PKP4: variants seen among roughly 807,000 people sequenced by gnomAD.
PKP4 encodes the protein plakophilin 4.
Under a neutral mutation model 145.1 loss-of-function variants are expected in PKP4, and 90 were observed. The ratio of observed to expected loss-of-function variants is 0.62; its 90% CI spans 0.52 to 0.74. The LOEUF is 0.74. Ranked by LOEUF, PKP4 falls within the 30% of genes least tolerant of loss-of-function variation. PKP4 has a pLI of 0.00. For missense variants in PKP4, 1,340 were observed against 1,482.7 expected (o/e 0.90, Z 1.58); for synonymous variants, 563 against 577.2 (o/e 0.98, Z 0.35).
chr2:158,514,707 G>C (rs2105540073), intron 1 of PKP4, among the ~76,000 whole-genome samples: 1 of 152,278 alleles, frequency 6.6e-6, no homozygotes, highest in African/African-American at 2.4e-5. Context: ...TTGGGAGGTC[G>C]AGGCGGGTGG....
At chr2:158,510,031 G>A (rs969295450) in intron 1 of PKP4, among the ~76,000 whole-genome samples, 4 of 151,516 alleles carry the variant, frequency 2.6e-5, no homozygotes, top group Non-Finnish European at 4.4e-5. Context: ...TAGCTTCCTT[G>A]ACTTGTGGTT....
At chr2:158,628,179 C>G (rs949059925) in intron 7 of PKP4, among the ~76,000 whole-genome samples, 24 of 151,998 alleles carry the variant, frequency 1.6e-4, no homozygotes, top group African/African-American at 5.8e-4. Context: ...CGGGTTTTCA[C>G]CATGTTGGCC....
intron 14 of PKP4, 38 bp from the exon 15 acceptor site, chr2:158,663,234 A>G (rs760370559): frequency 6.3e-7 from 1 of 1,593,846 alleles, no homozygotes; most frequent in East Asian, 2.2e-5. Context: ...GATCATGTTC[A>G]TTCTGCCTCC....
intron 1 of PKP4, among the ~76,000 whole-genome samples, chr2:158,467,210 T>C (rs1690760764): frequency 1.3e-5 from 2 of 152,214 alleles, no homozygotes; most frequent in Non-Finnish European, 1.5e-5. Flanking sequence ...AAAGATCCTG[T>C]GTACCCTTTA....
chr2:158,529,517 A>G (rs888987697), intron 1 of PKP4, among the ~76,000 whole-genome samples: 2 of 152,210 alleles, frequency 1.3e-5, no homozygotes. Context: ...TTGAATGGAT[A>G]CAGTGTGTGC....
chr2:158,550,772 T>A (rs140887439), intron 2 of PKP4, among the ~76,000 whole-genome samples: 1 of 152,346 alleles, frequency 6.6e-6, no homozygotes, highest in African/African-American at 2.4e-5. Flanking sequence ...GATTGGACAT[T>A]TATTGATTTA....
In PKP4 at chr2:158,469,465, C is replaced by G. The variant is rs182613098; in HGVS notation, c.-6+12247C>G. 1.5e-3 allele frequency among the ~76,000 whole-genome samples: 228 copies of G among 152,244 alleles called. 2 individuals carry two copies. The highest frequency in any genetic ancestry group is 5.3e-3 in the African/African-American group (221 of 41,554). Reference sequence around the variant, plus strand: ...CTTTTTGTGTGACTGTTGTACATACCTCTGCCAGAGAAATATGTTGAAATT... The same window carrying G: ...CTTTTTGTGTGACTGTTGTACATACGTCTGCCAGAGAAATATGTTGAAATT... On this transcript the variant is annotated intron_variant, in intron 1 of 21. Transcript: ENST00000389759.
intron 3 of PKP4, among the ~76,000 whole-genome samples, 156 bp downstream of exon 3, chr2:158,577,539 C>T (rs572164341): frequency 2.0e-5 from 3 of 152,298 alleles, no homozygotes; most frequent in Admixed American, 1.3e-4. Flanking sequence ...TTTTGAGAAG[C>T]CTCTTGCAAT....
intron 4 of PKP4, among the ~76,000 whole-genome samples, chr2:158,607,638 AATGT>A (rs1467699527): frequency 6.6e-6 from 1 of 152,116 alleles, no homozygotes; most frequent in East Asian, 1.9e-4. Flanking sequence ...CCGTGCCAGA[AATGT>A]TGTTTAAAAT....
chr2:158,560,337 C>G (rs78202859), intron 2 of PKP4, among the ~76,000 whole-genome samples: 4,485 of 152,030 alleles, frequency 0.03, 162 homozygotes, highest in East Asian at 0.13. Context: ...ACTCATTTGT[C>G]ATGAGTGGTG....
chr2:158,490,163 T>C (rs1206116460), intron 1 of PKP4, among the ~76,000 whole-genome samples: 1 of 152,148 alleles, frequency 6.6e-6, no homozygotes, highest in Non-Finnish European at 1.5e-5. Flanking sequence ...TAGGATTTTT[T>C]AAAAGGTGGA....
At chr2:158,495,928 A>G (rs1305712207) in intron 1 of PKP4, among the ~76,000 whole-genome samples, 3 of 152,038 alleles carry the variant, frequency 2.0e-5, no homozygotes, top group Non-Finnish European at 4.4e-5. Flanking sequence ...TGGTAAATCA[A>G]TATCAGTTTT....
intron 2 of PKP4, among the ~76,000 whole-genome samples, chr2:158,553,027 T>TGTC (rs989470602): frequency 3.3e-5 from 5 of 152,214 alleles, no homozygotes; most frequent in African/African-American, 9.6e-5. Flanking sequence ...TTAGCTGAAT[T>TGTC]GTCTCTCCCA....
chr2:158,579,626 T>TA (rs1347228400), intron 3 of PKP4, among the ~76,000 whole-genome samples: 2 of 152,012 alleles, frequency 1.3e-5, no homozygotes, highest in East Asian at 3.9e-4. Context: ...TTTGCAAAAG[T>TA]AAAAAATTAC....
intron 1 of PKP4, among the ~76,000 whole-genome samples, chr2:158,528,319 G>T (rs1361574625): frequency 6.9e-6 from 1 of 144,152 alleles, no homozygotes; most frequent in Non-Finnish European, 1.5e-5. Flanking sequence ...AAAAAATGAT[G>T]ATTTCATGTC....
At position 158,634,424 on chromosome 2, in the gene PKP4, T is replaced by G. The variant is rs2053644061; in HGVS notation, c.1562+135T>G. ...TCATTAATTCCATATATATTAATACTTCCAGTTGTATTCCAGCTATATAGG... is the reference window on the plus strand; with the variant it reads ...TCATTAATTCCATATATATTAATACGTCCAGTTGTATTCCAGCTATATAGG... On this transcript the variant is annotated intron_variant, in intron 9 of 21. Transcript: ENST00000389759. 6.6e-6 allele frequency: 4 copies of G among 609,416 alleles called. 1 individual carries two copies. In the Middle Eastern group the frequency reaches 1.1e-3, roughly 174 times the overall value. 37.8% of individuals were successfully genotyped at this position (609,416 alleles called of 1,614,324 possible).
At chr2:158,585,579 A>C (rs979225783) in intron 3 of PKP4, among the ~76,000 whole-genome samples, 3 of 152,178 alleles carry the variant, frequency 2.0e-5, no homozygotes, top group Non-Finnish European at 4.4e-5. Flanking sequence ...TGAGAAATCA[A>C]CCTCTTCAAA....
intron 1 of PKP4, among the ~76,000 whole-genome samples, chr2:158,522,029 C>G (rs557271759): frequency 6.6e-6 from 1 of 152,154 alleles, no homozygotes; most frequent in African/African-American, 2.4e-5. Flanking sequence ...TGTTTCTCAT[C>G]AACATTTTTC....
chr2:158,676,457 A>G (rs892248987), intron 19 of PKP4, among the ~76,000 whole-genome samples: 4 of 152,208 alleles, frequency 2.6e-5, no homozygotes, highest in Non-Finnish European at 4.4e-5. Flanking sequence ...CATGATCTCT[A>G]CACTGTGCCT....
Sources: gnomAD v4.1 joint callset for allele counts (sites outside exome capture counted in the v4.1 genomes callset) on GRCh38, gnomAD v4.1.1 for gene constraint, MANE v1.5 for transcripts, NCBI Gene and HGNC (gene_info 2026-07-23, HGNC 2026-07-21) for gene names.